Variants in DIAPH2 observed in about 807,000 individuals in gnomAD.
DIAPH2 encodes diaphanous related formin 2, also known as protein diaphanous homolog 2.
A neutral mutation model predicts 92.7 loss-of-function variants in DIAPH2; 35 were observed. The observed-to-expected ratio is 0.38, with a 90% CI of 0.29 to 0.50. The LOEUF (loss-of-function observed/expected upper bound fraction) is 0.50, where lower values mean the gene tolerates loss of function less well. Ranked by LOEUF, DIAPH2 falls within the 20% of genes least tolerant of loss-of-function variation. The pLI is 0.94. For synonymous variants in DIAPH2, 301 were observed against 280.4 expected (o/e 1.07, Z -0.73); for missense variants, 701 against 819.5 (o/e 0.86, Z 1.77).
In DIAPH2 at chrX:97,509,861, G is replaced by C. The variant is rs1394515489; in HGVS notation, c.3241+80116G>C. Reference sequence around the variant, plus strand: ...ACTCATCATTTTTTATGGCTGCATAGTATTCCATGGTGTATATGTGCCACA... The same window carrying C: ...ACTCATCATTTTTTATGGCTGCATACTATTCCATGGTGTATATGTGCCACA... On this transcript the variant is annotated intron_variant, in intron 26 of 26. Coordinates refer to ENST00000324765, the MANE Select transcript of DIAPH2 (RefSeq NM_006729.5). 6.3e-5 allele frequency among the ~76,000 whole-genome samples: 7 copies of C among 110,388 alleles called. No individual in the cohort carries two copies. The Admixed American group carries it at 6.7e-4, about 11-fold the overall frequency.
intron 8 of DIAPH2, among the ~76,000 whole-genome samples, chrX:96,917,889 T>C (rs906461494): frequency 9.0e-6 from 1 of 111,566 alleles, no homozygotes; most frequent in Non-Finnish European, 1.9e-5. Flanking sequence ...CAATAAACTG[T>C]TAACAATTAT....
At chrX:97,008,094 G>A (rs778858951) in intron 17 of DIAPH2, among the ~76,000 whole-genome samples, 14 of 100,009 alleles carry the variant, frequency 1.4e-4, no homozygotes, top group Non-Finnish European at 2.2e-4. Context: ...GTAGGCATGC[G>A]TCATTCTATT....
intron 20 of DIAPH2, among the ~76,000 whole-genome samples, chrX:97,105,865 G>T (rs1295337210): frequency 1.8e-5 from 2 of 112,172 alleles, no homozygotes; most frequent in African/African-American, 6.5e-5. Context: ...ATAATAGGAA[G>T]CACAGATGAT....
rs2071607455 is a variant in DIAPH2 at position 97,603,815 on chromosome X, C to T, written c.*4498C>T. ...AAACCATCACTAGAAATGCCTTTAA[C>T]ATTCATACTACTACCATCTGGTAAA... On this transcript the variant is annotated 3_prime_UTR_variant, in exon 27 of 27. Coordinates refer to ENST00000324765, the MANE Select transcript of DIAPH2 (RefSeq NM_006729.5). 1 of 112,096 alleles carries T rather than the reference C, an allele frequency of 8.9e-6. No homozygotes were observed. The highest frequency in any genetic ancestry group is 1.9e-5 in the Non-Finnish European group (1 of 53,221). 9.2% of individuals were successfully genotyped at this position (112,096 alleles called of 1,213,427 possible).
chrX:97,003,161 C>T (rs1333005031), intron 17 of DIAPH2, among the ~76,000 whole-genome samples: 2 of 110,923 alleles, frequency 1.8e-5, no homozygotes, highest in African/African-American at 6.6e-5. Context: ...AATAGTACTC[C>T]ATCATGTATA....
chrX:97,213,401 T>C (rs2067856952), intron 22 of DIAPH2, among the ~76,000 whole-genome samples: 1 of 111,805 alleles, frequency 8.9e-6, no homozygotes, highest in African/African-American at 3.2e-5. Context: ...TTAAGAAATG[T>C]GTTTTCATTG....
intron 22 of DIAPH2, among the ~76,000 whole-genome samples, chrX:97,150,534 T>C (rs888874622): frequency 6.3e-5 from 7 of 111,848 alleles, no homozygotes; most frequent in African/African-American, 2.3e-4. Flanking sequence ...CAGGCTTCTG[T>C]GCCTTTTCCA....
At chrX:97,388,829 C>A (rs1036344539) in intron 25 of DIAPH2, among the ~76,000 whole-genome samples, 1 of 111,022 alleles carries the variant, frequency 9.0e-6, no homozygotes, top group African/African-American at 3.3e-5. Context: ...AAATAAATAA[C>A]CTTTTAAATG....
chrX:96,856,991 A>G (rs755977874), intron 4 of DIAPH2, among the ~76,000 whole-genome samples: 2 of 110,242 alleles, frequency 1.8e-5, no homozygotes, highest in Non-Finnish European at 3.8e-5. Flanking sequence ...GTGAGCCGAG[A>G]TCGATCCACT....
At chrX:96,836,304 A>G (rs1343367346) in intron 4 of DIAPH2, among the ~76,000 whole-genome samples, 2 of 109,834 alleles carry the variant, frequency 1.8e-5, no homozygotes, top group Non-Finnish European at 3.8e-5. Context: ...ATAGGATTAT[A>G]TAATCTAATG....
chrX:96,786,848 G>A (rs961521618), intron 4 of DIAPH2, among the ~76,000 whole-genome samples: 1 of 111,886 alleles, frequency 8.9e-6, no homozygotes, highest in African/African-American at 3.2e-5. Context: ...TTTTAATATT[G>A]CCTATGCCAA....
chrX:97,298,511 A>T (rs187036284), intron 23 of DIAPH2, among the ~76,000 whole-genome samples: 2 of 110,316 alleles, frequency 1.8e-5, no homozygotes, highest in African/African-American at 3.3e-5. Context: ...GAAAGTCGTC[A>T]TTAGGCAGCT....
intron 4 of DIAPH2, among the ~76,000 whole-genome samples, chrX:96,876,833 A>G (rs1602586904): frequency 9.0e-6 from 1 of 110,613 alleles, no homozygotes; most frequent in East Asian, 2.8e-4. Context: ...TGGGTGCAGC[A>G]CACCAACATG....
chrX:97,021,779 T>C (rs1165844810), intron 17 of DIAPH2, among the ~76,000 whole-genome samples: 1 of 111,697 alleles, frequency 9.0e-6, no homozygotes, highest in Non-Finnish European at 1.9e-5. Context: ...TGAGGCTTGG[T>C]GAGTGGAATG....
chrX:97,518,608 C>T (rs911753113), intron 26 of DIAPH2, among the ~76,000 whole-genome samples: 25 of 109,838 alleles, frequency 2.3e-4, no homozygotes, highest in Non-Finnish European at 3.8e-4. Context: ...AGTTTTCTCT[C>T]AGTAGTGTCT....
intron 10 of DIAPH2, among the ~76,000 whole-genome samples, chrX:96,933,027 C>T (rs1437588308): frequency 9.0e-6 from 1 of 111,277 alleles, no homozygotes; most frequent in Non-Finnish European, 1.9e-5. Flanking sequence ...TCTCAGATCT[C>T]AGTGATTCTT....
At chrX:97,068,863 A>G (rs2066650382) in intron 17 of DIAPH2, among the ~76,000 whole-genome samples, 1 of 112,303 alleles carries the variant, frequency 8.9e-6, no homozygotes. Flanking sequence ...ACATAAATAT[A>G]CAAATATGTA....
In DIAPH2 at chrX:96,809,341, T is replaced by TA. The variant is rs72177977; in HGVS notation, c.447+51096dup. Among the ~76,000 whole-genome samples, 863 of 99,281 alleles carry TA rather than the reference T, an allele frequency of 8.7e-3. 7 individuals are homozygous for TA. Among genetic ancestry groups the TA allele is most frequent in the African/African-American group, 0.022 (609 of 27,452 alleles). 86.2% of individuals were successfully genotyped at this position (99,281 alleles called of 115,157 possible). A position where few individuals can be genotyped will look rare whatever the true frequency, so the allele number is the denominator to read the frequency against. On this transcript the variant is annotated intron_variant, in intron 4 of 26. Transcript: ENST00000324765. ...GCGGTCTTTAAAAAAAAAATGTGGT[T>TA]AAAAAAAAAAAAACATAACCTGAGA...
chrX:97,340,587 T>C (rs2069103939), intron 23 of DIAPH2, among the ~76,000 whole-genome samples: 1 of 111,491 alleles, frequency 9.0e-6, no homozygotes, highest in Non-Finnish European at 1.9e-5. Context: ...AATGTCATTC[T>C]GTTTCTAGAA....
Sources: allele counts gnomAD v4.1 joint callset (sites outside exome capture counted in the v4.1 genomes callset), GRCh38; gene constraint gnomAD v4.1.1; transcripts MANE v1.5; gene names NCBI Gene and HGNC (gene_info 2026-07-23, HGNC 2026-07-21).